The following IRX1 variants were observed in gnomAD, a reference collection of about 807,000 sequenced individuals.
IRX1 encodes the protein iroquois homeobox 1.
In IRX1, 22 loss-of-function variants were observed where a neutral mutation model predicts 34.1. That is an observed-to-expected ratio of 0.64 (90% CI 0.46 to 0.92). The LOEUF (loss-of-function observed/expected upper bound fraction) is 0.92. Ranked by LOEUF, IRX1 falls within the 40% of genes least tolerant of loss-of-function variation. IRX1 has a pLI of 0.00. For synonymous variants in IRX1, 363 were observed against 319.0 expected (o/e 1.14, Z -1.47); for missense variants, 758 against 680.0 (o/e 1.11, Z -1.28).
chr5:3,600,710 G>C (rs1048594346), intron 3 of IRX1, 29 bp downstream of exon 3: 2 of 1,575,584 alleles, frequency 1.3e-6, no homozygotes, highest in Non-Finnish European at 8.7e-7. Context: ...TGCTATGGGA[G>C]AAGGCGGTGG....
Position 3,596,382 on chromosome 5 carries a change from G to T in IRX1, c.276+1G>T. 1 of 1,524,756 alleles carries T rather than the reference G, an allele frequency of 6.6e-7. No individual in the cohort carries two copies. The highest frequency in any genetic ancestry group is 8.8e-7 in the Non-Finnish European group (1 of 1,139,202). The allele number at this position is 1,524,756 out of a possible 1,614,324, so 94.5% of individuals were successfully genotyped here. A position where few individuals can be genotyped will look rare whatever the true frequency, so the allele number is the denominator to read the frequency against. On this transcript the variant is annotated splice_donor_variant, in intron 1 of 3. Transcript: ENST00000302006. LOFTEE classifies it high-confidence loss of function. The stretch of plus-strand genomic sequence containing the variant: ...GGATCTCAGCCTCTTCTCGCAGATG[G>T]TGAGTGCGCCCGGCCTCCCCCGCTT...
rs570519196 is a variant in IRX1, at chr5:3,600,112, G to A, written c.1164G>A (p.Met388Ile). 9.9e-6 allele frequency: 16 copies of A among 1,613,370 alleles called. No individual in the cohort carries two copies. The South Asian group carries it at 1.8e-4, about 18-fold the overall frequency. ...AFLAQGSLLN[M>I]RSFLGVGAPH... Reference sequence around the variant, plus strand: ...TCGCACAGGGCTCCCTGCTCAACATGCGCTCCTTCCTGGGCGTTGGCGCTC... The same window carrying A: ...TCGCACAGGGCTCCCTGCTCAACATACGCTCCTTCCTGGGCGTTGGCGCTC... The change falls in exon 2 of 4, where the codon ATG becomes ATA. Residue 388 changes from methionine (M) to isoleucine (I), a missense_variant. Met to Ile is a conservative substitution (Grantham distance 10, BLOSUM62 1). Transcript: ENST00000302006.
chr5:3,600,992 C>T lies in IRX1; in HGVS notation c.1395C>T (p.Ala465=). 1 of 1,613,524 alleles carries T rather than the reference C, an allele frequency of 6.2e-7. No individual in the cohort carries two copies. Among genetic ancestry groups the T allele is most frequent in the East Asian group, 2.2e-5 (1 of 44,794 alleles). Residue 465 remains alanine (A), a synonymous_variant, in exon 4 of 4, where the codon GCC becomes GCT. Transcript: ENST00000302006. ...PFQPVRDNSL[A]PQEGTPRILA... is the part of the protein sequence containing the mutation. ...TGTGTTTCCCATGCAGCTCTCTGGC[C>T]CCGCAGGAGGGAACGCCGCGGATCC...
chr5:3,595,927 A>C lies in IRX1; in HGVS notation c.-179A>C, dbSNP rs1288876136. 4.9e-6 allele frequency: 1 copy of C among 203,606 alleles called. No individual in the cohort carries two copies. The highest frequency in any genetic ancestry group is 6.4e-5 in the Admixed American group (1 of 15,542). The allele number at this position is 203,606 out of a possible 1,614,324, so 12.6% of individuals were successfully genotyped here. A position where few individuals can be genotyped will look rare whatever the true frequency, so the allele number is the denominator to read the frequency against. On this transcript the variant is annotated 5_prime_UTR_variant, in exon 1 of 4. Coordinates refer to ENST00000302006, the MANE Select transcript of IRX1 (RefSeq NM_024337.4). ...AGCCGGGAGCCGGGCGCCTGCGAGC[A>C]CCGGGCAGAGGAGCCGCGACCGGCC...
At position 3,596,040 on chromosome 5, in the gene IRX1, C is replaced by T; in HGVS notation, c.-66C>T. On this transcript the variant is annotated 5_prime_UTR_variant, in exon 1 of 4. Transcript: ENST00000302006. Reference sequence around the variant, plus strand: ...GGCGCCCCCTGCAACCCCCTCCGGCCGGCCTCCGCCTCCCTCCCCGCGCCT... The same window carrying T: ...GGCGCCCCCTGCAACCCCCTCCGGCTGGCCTCCGCCTCCCTCCCCGCGCCT... The T allele has an allele frequency of 2.0e-6, 2 of 995,792 alleles. No homozygotes were observed. The highest frequency in any genetic ancestry group is 1.2e-6 in the Non-Finnish European group (1 of 831,420). 61.7% of individuals were successfully genotyped at this position (995,792 alleles called of 1,614,324 possible).
Position 3,596,195 on chromosome 5 carries a change from G to T in IRX1, c.90G>T (p.Ala30=), listed in dbSNP as rs1011256829. ...GCGAGCGCCCGGGGGTGCTGGCCGC[G>T]GCCGCTGCGGCGGCTGCCGCCGCCT... ...YGGERPGVLA[A]AAAAAAAASS... Residue 30 remains alanine, a synonymous_variant, in exon 1 of 4, where the codon GCG becomes GCT. Transcript: ENST00000302006. 15 of 1,034,742 alleles carry T rather than the reference G, an allele frequency of 1.4e-5. No homozygotes were observed. The African/African-American group carries it at 2.2e-4, about 15-fold the overall frequency. The allele number at this position is 1,034,742 out of a possible 1,614,324, so 64.1% of individuals were successfully genotyped here.
chr5:3,601,215 C>T lies in IRX1; in HGVS notation c.*175C>T. 1 of 658,110 alleles carries T rather than the reference C, an allele frequency of 1.5e-6. No individual in the cohort carries two copies. Among genetic ancestry groups the T allele is most frequent in the East Asian group, 2.8e-5 (1 of 36,002 alleles). 40.8% of individuals were successfully genotyped at this position (658,110 alleles called of 1,614,324 possible). A position where few individuals can be genotyped will look rare whatever the true frequency, so the allele number is the denominator to read the frequency against. On this transcript the variant is annotated 3_prime_UTR_variant, in exon 4 of 4. Transcript: ENST00000302006. ...AAAGGGGCTTCTTCGGTCCCGAGCT[C>T]GCGTCCAGGTGGCCAGGCCTCTGCC...
In IRX1 at chr5:3,599,482, C is replaced by T. The variant is rs1733894581; in HGVS notation, c.534C>T (p.Phe178=). 6.2e-7 allele frequency: 1 copy of T among 1,614,016 alleles called. No individual in the cohort carries two copies. Among genetic ancestry groups the T allele is most frequent in the African/African-American group, 1.3e-5 (1 of 74,932 alleles). ...CCCTCACGCAGGTCTCCACCTGGTT[C>T]GCCAACGCGCGCCGGCGCCTCAAGA... ...KMTLTQVSTW[F]ANARRRLKKE... The change falls in exon 2 of 4, where the codon TTC becomes TTT. Residue 178 remains phenylalanine (F), a synonymous_variant. Coordinates refer to ENST00000302006, the MANE Select transcript of IRX1 (RefSeq NM_024337.4). The surrounding 1 kb of genome is among the most constrained non-coding windows in gnomAD (Gnocchi z 6.6).
At chr5:3,596,531 C>A in intron 1 of IRX1, 150 bp downstream of exon 1, 2 of 781,028 alleles carry the variant, frequency 2.6e-6, no homozygotes, top group African/African-American at 1.8e-5. Flanking sequence ...TGGCCGAGGC[C>A]GCGGCCCCCG....
At position 3,598,646 on chromosome 5, in the gene IRX1, G is replaced by A. The variant is rs535131405; in HGVS notation, c.277-579G>A. On this transcript the variant is annotated intron_variant, in intron 1 of 3. Transcript: ENST00000302006. Reference sequence around the variant, plus strand: ...TATGCAGATTAATTTGGAAGGCAAAGGACTGTGCTTTCGTTTTAAATTGCT... The same window carrying A: ...TATGCAGATTAATTTGGAAGGCAAAAGACTGTGCTTTCGTTTTAAATTGCT... Among the ~76,000 whole-genome samples, 71 of 152,320 alleles carry A rather than the reference G, an allele frequency of 4.7e-4. 3 individuals are homozygous for A. The South Asian group carries it at 0.013, about 28-fold the overall frequency.
rs1580011457 is a variant in IRX1, at chr5:3,599,195, C to G, written c.277-30C>G. 1.9e-6 allele frequency: 3 copies of G among 1,592,050 alleles called. No individual in the cohort carries two copies. In the African/African-American group the frequency reaches 4.0e-5, roughly 21 times the overall value. On this transcript the variant is annotated intron_variant, in intron 1 of 3. Coordinates refer to ENST00000302006, the MANE Select transcript of IRX1 (RefSeq NM_024337.4). The surrounding 1 kb of genome is among the most constrained non-coding windows in gnomAD (Gnocchi z 6.6). ...TTCTCTCTCCACTTCCCTCCTCTCT[C>G]TCCTCGATGGATCTGCCCTGTGGCT...
At chr5:3,600,311 C>T in intron 2 of IRX1, 51 bp downstream of exon 2, 2 of 1,475,512 alleles carry the variant, frequency 1.4e-6, no homozygotes, top group Non-Finnish European at 1.8e-6. Flanking sequence ...ATGCAGAGGC[C>T]TGGCTAGGTG....
rs759622499 is a variant in IRX1, at chr5:3,601,074, G to T, written c.*34G>T. The stretch of plus-strand genomic sequence containing the variant: ...CTTCTTTTACTTTTGCGGGGGGGAG[G>T]GGGGAGGAGTTGGGGAGGGAGGGAA... On this transcript the variant is annotated 3_prime_UTR_variant, in exon 4 of 4. Coordinates refer to ENST00000302006, the MANE Select transcript of IRX1 (RefSeq NM_024337.4). 5.0e-6 allele frequency: 8 copies of T among 1,586,768 alleles called. No homozygotes were observed. The highest frequency in any genetic ancestry group is 6.9e-6 in the Non-Finnish European group (8 of 1,156,250).
In IRX1 at chr5:3,599,648, G is replaced by C; in HGVS notation, c.700G>C (p.Asp234His). ...DLESIDIDKI[D>H]EHDGDQSNED... ...GGAAAGCATCGACATTGACAAGATC[G>C]ACGAGCACGATGGCGACCAGAGCAA... The change falls in exon 2 of 4, where the codon GAC (aspartate) becomes CAC (histidine). Residue 234 changes from aspartate to histidine, a missense_variant. Physicochemically the swap from Asp to His is moderately conservative, Grantham distance 81. Coordinates refer to ENST00000302006, the MANE Select transcript of IRX1 (RefSeq NM_024337.4). The surrounding 1 kb of genome is among the most constrained non-coding windows in gnomAD (Gnocchi z 6.6). 1 of 1,613,854 alleles carries C rather than the reference G, an allele frequency of 6.2e-7. No homozygotes were observed. Among genetic ancestry groups the C allele is most frequent in the Non-Finnish European group, 8.5e-7 (1 of 1,180,028 alleles).
Position 3,599,978 on chromosome 5 carries a change from C to A in IRX1, c.1030C>A (p.His344Asn), listed in dbSNP as rs1378737642. The change falls in exon 2 of 4, where the codon CAC becomes AAC. Residue 344 changes from histidine to asparagine, a missense_variant. His to Asn is a moderately conservative substitution (Grantham distance 68). Transcript: ENST00000302006. The surrounding 1 kb of genome is among the most constrained non-coding windows in gnomAD (Gnocchi z 6.6). The stretch of plus-strand genomic sequence containing the variant: ...ACCACCCGCGGGCCACCCCGGCGCG[C>A]ACGGGCCCTCCGCCGGGGCGCCGCT... Reference protein sequence around the residue: ...PPPPAGHPGAHGPSAGAPLQH... With the variant: ...PPPPAGHPGANGPSAGAPLQH... The A allele has an allele frequency of 2.0e-6, 3 of 1,511,972 alleles. No individual in the cohort carries two copies. Among genetic ancestry groups the A allele is most frequent in the Non-Finnish European group, 2.7e-6 (3 of 1,125,314 alleles). 93.7% of individuals were successfully genotyped at this position (1,511,972 alleles called of 1,614,324 possible). A position where few individuals can be genotyped will look rare whatever the true frequency, so the allele number is the denominator to read the frequency against.
At chr5:3,596,489 G>A in intron 1 of IRX1, 108 bp downstream of exon 1, 1 of 1,161,266 alleles carries the variant, frequency 8.6e-7, no homozygotes, top group South Asian at 2.6e-5. Context: ...GTCCGGAAGA[G>A]GAACTAGAAA....
chr5:3,598,105 A>G (rs1733839302), intron 1 of IRX1, among the ~76,000 whole-genome samples: 2 of 152,194 alleles, frequency 1.3e-5, no homozygotes, highest in South Asian at 2.1e-4. Context: ...CTGAGAGAGT[A>G]AACTCAAACC....
Position 3,596,400 on chromosome 5 carries a change from C to T in IRX1, c.276+19C>T, listed in dbSNP as rs200743625. The T allele has an allele frequency of 3.2e-5, 47 of 1,490,728 alleles. No individual in the cohort carries two copies. In the East Asian group the frequency reaches 1.2e-3, roughly 39 times the overall value. 92.3% of individuals were successfully genotyped at this position (1,490,728 alleles called of 1,614,324 possible). ...GCAGATGGTGAGTGCGCCCGGCCTC[C>T]CCCGCTTCTCCTCTGTCTCACCCGC... On this transcript the variant is annotated intron_variant, in intron 1 of 3. Coordinates refer to ENST00000302006, the MANE Select transcript of IRX1 (RefSeq NM_024337.4).
rs1162216724 is a variant in IRX1 at position 3,599,030 on chromosome 5, AG to A, written c.277-194del. Among the ~76,000 whole-genome samples, 2 of 152,250 alleles carry A rather than the reference AG, an allele frequency of 1.3e-5. No homozygotes were observed. Among genetic ancestry groups the A allele is most frequent in the East Asian group, 3.9e-4 (2 of 5,154 alleles). On this transcript the variant is annotated intron_variant, in intron 1 of 3. Transcript: ENST00000302006. This position sits in a 1 kb window ranked among gnomAD's most constrained non-coding sequence, Gnocchi z 6.6. Reference sequence around the variant, plus strand: ...CATGGTCCTGGCTCCCCTTCTCCCCAGCAGTGAACTGGGGGTGACTTCCTGA... The same window carrying A: ...CATGGTCCTGGCTCCCCTTCTCCCCACAGTGAACTGGGGGTGACTTCCTGA...
Sources: allele counts gnomAD v4.1 joint callset (sites outside exome capture counted in the v4.1 genomes callset), GRCh38; gene constraint gnomAD v4.1.1; non-coding constraint Gnocchi (gnomAD v3.1); transcripts MANE v1.5; gene names NCBI Gene and HGNC (gene_info 2026-07-23, HGNC 2026-07-21).